NLRP9: variants seen among roughly 807,000 people sequenced by gnomAD.
NLRP9 encodes NACHT, LRR and PYD domains-containing protein 9.
A neutral mutation model predicts 83.1 loss-of-function variants in NLRP9; 88 were observed. That is an observed-to-expected ratio of 1.06 (90% CI 0.89 to 1.26). The LOEUF (loss-of-function observed/expected upper bound fraction) is 1.26. NLRP9 is among the 50% of genes most tolerant of loss of function. The probability of loss-of-function intolerance (pLI) is 0.00; values close to 1 mark genes in which losing one functional copy is unlikely to be tolerated. For synonymous variants in NLRP9, 521 were observed against 447.6 expected (o/e 1.16, Z -2.07); for missense variants, 1,308 against 1,179.3 (o/e 1.11, Z -1.60).
Position 55,708,851 on chromosome 19 carries a change from T to C in NLRP9, c.*61A>G. ...GCAATTACAGGATAGAGGTGCCAGG[T>C]GAAGGTCCCACTGTGGCCAAGGAAA... On this transcript the variant is annotated 3_prime_UTR_variant, in exon 9 of 9. Coordinates refer to ENST00000332836, the MANE Select transcript of NLRP9 (RefSeq NM_176820.4). The C allele has an allele frequency of 2.3e-6, 3 of 1,278,300 alleles. No individual in the cohort carries two copies. The highest frequency in any genetic ancestry group is 3.2e-6 in the Non-Finnish European group (3 of 944,054). 79.2% of individuals were successfully genotyped at this position (1,278,300 alleles called of 1,614,324 possible).
chr19:55,723,727 C>CAAAAAAAAAAAAAAA (rs10711721), intron 4 of NLRP9, among the ~76,000 whole-genome samples: 2 of 79,824 alleles, frequency 2.5e-5, no homozygotes, highest in East Asian at 7.5e-4. Context: ...GACCCTGTCT[C>CAAAAAAAAAAAAAAA]AAAAAAAAAA....
At chr19:55,738,037 C>T (rs1022461328) in intron 1 of NLRP9, 58 bp downstream of exon 1, 4 of 1,507,028 alleles carry the variant, frequency 2.7e-6, no homozygotes, top group Non-Finnish European at 3.7e-6. Flanking sequence ...TTTAACAATG[C>T]TATCACCTTG....
At chr19:55,734,038 G>A (rs377214144) in intron 1 of NLRP9, among the ~76,000 whole-genome samples, 5 of 148,638 alleles carry the variant, frequency 3.4e-5, no homozygotes, top group Admixed American at 2.0e-4. Flanking sequence ...TTCTCCTGCC[G>A]CAGCCTCCCG....
intron 8 of NLRP9, 45 bp downstream of exon 8, chr19:55,711,755 C>T (rs200880306): frequency 1.3e-5 from 20 of 1,590,052 alleles, no homozygotes; most frequent in Non-Finnish European, 1.6e-5. Context: ...ATGAACTAAG[C>T]TCGTTCTGAA....
rs1987737440 is a variant in NLRP9 at position 55,711,785 on chromosome 19, A to G, written c.2843+15T>C. 1 of 1,611,084 alleles carries G rather than the reference A, an allele frequency of 6.2e-7. No individual in the cohort carries two copies. The highest frequency in any genetic ancestry group is 1.3e-5 in the African/African-American group (1 of 74,856). Reference sequence around the variant, plus strand: ...TCTGAAGTCACTCACCCCAAAGGAAACAGTGTCCACTCACCCCAGCATCTG... The same window carrying G: ...TCTGAAGTCACTCACCCCAAAGGAAGCAGTGTCCACTCACCCCAGCATCTG... On this transcript the variant is annotated intron_variant, in intron 8 of 8. Coordinates refer to ENST00000332836, the MANE Select transcript of NLRP9 (RefSeq NM_176820.4).
chr19:55,730,584 G>A lies in NLRP9; in HGVS notation c.1833-592C>T, dbSNP rs988339716. 8.5e-5 allele frequency among the ~76,000 whole-genome samples: 13 copies of A among 152,192 alleles called. 1 individual carries two copies. In the South Asian group the frequency reaches 2.5e-3, roughly 29 times the overall value. On this transcript the variant is annotated intron_variant, in intron 2 of 8. Transcript: ENST00000332836. ...ATGGAATACTATGCAGCCATGAAAA[G>A]GAACAAGATAATGTCCTTTGCAAGG...
chr19:55,718,092 C>G (rs565604779), intron 4 of NLRP9, among the ~76,000 whole-genome samples: 177 of 152,348 alleles, frequency 1.2e-3, no homozygotes, highest in African/African-American at 3.9e-3. Context: ...GGCTGTGCAG[C>G]ATGTGCCTTG....
rs371355203 is a variant in NLRP9 at position 55,732,969 on chromosome 19, G to A, written c.862C>T (p.Arg288Trp). 10 of 1,613,958 alleles carry A rather than the reference G, an allele frequency of 6.2e-6. No homozygotes were observed. In the African/African-American group the frequency reaches 9.3e-5, roughly 15 times the overall value. ...LAMQKHYFML[R>W]HPKLIKLLGF... ...AAGAGCTTTATGAGTTTTGGATGCC[G>A]CAACATAAAATAGTGTTTTTGCATA... The change falls in exon 2 of 9, where the codon CGG becomes TGG. Residue 288 changes from arginine (R) to tryptophan (W), a missense_variant. By Grantham distance (101) the Arg-to-Trp change is moderately radical. Transcript: ENST00000332836.
chr19:55,709,067 T>G (rs374085810), intron 8 of NLRP9, 23 bp from the exon 9 acceptor site: 16 of 1,548,006 alleles, frequency 1.0e-5, no homozygotes, highest in Non-Finnish European at 1.4e-5. Flanking sequence ...AAATAAAGTT[T>G]TTTTTTTTGT....
intron 6 of NLRP9, among the ~76,000 whole-genome samples, chr19:55,714,377 G>A (rs924600879): frequency 3.9e-5 from 6 of 151,908 alleles, no homozygotes; most frequent in East Asian, 1.9e-4. Context: ...TGGCCATCTC[G>A]ATTCTTTAAG....
In NLRP9 at chr19:55,729,986, A is replaced by G. The variant is rs1335456163; in HGVS notation, c.1839T>C (p.Asn613=). 2 of 1,612,246 alleles carry G rather than the reference A, an allele frequency of 1.2e-6. No individual in the cohort carries two copies. The highest frequency in any genetic ancestry group is 1.7e-6 in the Non-Finnish European group (2 of 1,179,066). Residue 613 remains asparagine, a synonymous_variant, in exon 3 of 9, where the codon AAT becomes AAC. Coordinates refer to ENST00000332836, the MANE Select transcript of NLRP9 (RefSeq NM_176820.4). Reference sequence around the variant, plus strand: ...GCTCCCGCCAGTAGACGAGCTTCTCATTGTAACTATGAGAGAACAAAGATT... The same window carrying G: ...GCTCCCGCCAGTAGACGAGCTTCTCGTTGTAACTATGAGAGAACAAAGATT... The part of the protein sequence containing the change: ...PDDSGCISDY[N]EKLVYWRELC...
intron 3 of NLRP9, among the ~76,000 whole-genome samples, chr19:55,729,230 TAC>T (rs1988496496): frequency 7.3e-6 from 1 of 136,628 alleles, no homozygotes; most frequent in African/African-American, 3.5e-5. Flanking sequence ...TACATGTCAC[TAC>T]ATTTTTTTTT....
intron 3 of NLRP9, among the ~76,000 whole-genome samples, chr19:55,725,419 CA>C (rs1988370656): frequency 6.6e-6 from 1 of 152,178 alleles, no homozygotes; most frequent in South Asian, 2.1e-4. Flanking sequence ...CTCTCCTAGT[CA>C]ACTTTAAGAA....
rs758576170 is a variant in NLRP9, at chr19:55,738,156, C to T, written c.219G>A (p.Leu73=). The T allele has an allele frequency of 6.2e-7, 1 of 1,614,130 alleles. No homozygotes were observed. The change falls in exon 1 of 9, where the codon CTG becomes CTA. Residue 73 remains leucine, a synonymous_variant. Transcript: ENST00000332836. ...TCCTATTGATCTGTAGAAACAGGTT[C>T]AGTGTTACCTCCCATGCCTGCTTTC... ...YPGKQAWEVT[L]NLFLQINRKD...
intron 4 of NLRP9, among the ~76,000 whole-genome samples, chr19:55,719,982 C>A (rs1988173296): frequency 6.6e-6 from 1 of 152,114 alleles, no homozygotes; most frequent in South Asian, 2.1e-4. Context: ...GGAATTACAT[C>A]TTTAACATGT....
At position 55,715,091 on chromosome 19, in the gene NLRP9, G is replaced by T. The variant is rs73933317; in HGVS notation, c.2465C>A (p.Ala822Glu). The T allele has an allele frequency of 1.2e-6, 2 of 1,612,786 alleles. No individual in the cohort carries two copies. Among genetic ancestry groups the T allele is most frequent in the Non-Finnish European group, 1.7e-6 (2 of 1,179,760 alleles). ...EDNGVASLCA[A>E]LKHPGCSIRE... ...TATGCTGCAGCCTGGGTGCTTCAGC[G>T]CTGCACACAGAGATGCCACTCCATT... Residue 822 changes from alanine to glutamate, a missense_variant, in exon 6 of 9, where the codon GCG becomes GAG. By Grantham distance (107) the Ala-to-Glu change is moderately radical (BLOSUM62 -1). Transcript: ENST00000332836.
Position 55,732,543 on chromosome 19 carries a change from C to T in NLRP9, c.1288G>A (p.Gly430Ser), listed in dbSNP as rs201209236. The change falls in exon 2 of 9, where the codon GGT (glycine) becomes AGT (serine). Residue 430 changes from glycine to serine, a missense_variant. Transcript: ENST00000332836. ...LSESEGVMWV[G>S]MRLLQRRGDC... ...CCTCTCCTTTGGAGGAGTCTCATAC[C>T]CACCCACATCACGCCCTCAGACTCA... 6.2e-6 allele frequency: 10 copies of T among 1,614,038 alleles called. No individual in the cohort carries two copies. The highest frequency in any genetic ancestry group is 8.5e-6 in the Non-Finnish European group (10 of 1,180,048).
At chr19:55,716,646 AGCACC>A in intron 5 of NLRP9, 77 bp downstream of exon 5, 2 of 1,152,876 alleles carry the variant, frequency 1.7e-6, no homozygotes, top group South Asian at 2.6e-5. Flanking sequence ...CCCCTCAGTG[AGCACC>A]GCGTTGCTTT....
chr19:55,737,139 A>G (rs1988805356), intron 1 of NLRP9: 1 of 152,110 alleles, frequency 6.6e-6, no homozygotes, highest in Non-Finnish European at 1.5e-5. Context: ...CAATGAGTCC[A>G]GCAGAACTGG....
Sources: gnomAD v4.1 joint callset for allele counts (sites outside exome capture counted in the v4.1 genomes callset) on GRCh38, gnomAD v4.1.1 for gene constraint, MANE v1.5 for transcripts, NCBI Gene and HGNC (gene_info 2026-07-23, HGNC 2026-07-21) for gene names.